Variants in ESR1 observed in about 807,000 individuals in gnomAD.
ESR1 encodes estrogen receptor 1.
Under a neutral mutation model 52.7 loss-of-function variants are expected in ESR1, and 12 were observed. The ratio of observed to expected loss-of-function variants is 0.23; its 90% confidence interval spans 0.15 to 0.37. The LOEUF is 0.37. Ranked by LOEUF, ESR1 falls within the 10% of genes least tolerant of loss-of-function variation. ESR1 has a pLI of 1.00. For missense variants in ESR1, 584 were observed against 779.7 expected (o/e 0.75, Z 2.99); for synonymous variants, 305 against 316.8 (o/e 0.96, Z 0.39).
At chr6:151,876,549 G>A (rs1791851715) in intron 2 of ESR1, among the ~76,000 whole-genome samples, 1 of 152,174 alleles carries the variant, frequency 6.6e-6, no homozygotes, top group African/African-American at 2.4e-5. Context: ...GACTTTCTGT[G>A]TAATGACAAC....
At chr6:151,679,319 G>A (rs6905582) in intron 1 of ESR1, among the ~76,000 whole-genome samples, 33,477 of 151,948 alleles carry the variant, frequency 0.22, 4,514 homozygotes, top group African/African-American at 0.39. Flanking sequence ...TCTTAACATG[G>A]CCTAAAAGGC....
rs143481676 is a variant in ESR1, at chr6:151,940,525, G to A, written c.761-3648G>A. Among the ~76,000 whole-genome samples the A allele has an allele frequency of 7.9e-5, 12 of 152,286 alleles. No homozygotes were observed. In the East Asian group the frequency reaches 2.3e-3, roughly 29 times the overall value. On this transcript the variant is annotated intron_variant, in intron 3 of 7. Coordinates refer to ENST00000206249, the MANE Select transcript of ESR1 (RefSeq NM_000125.4). ...AACCTGAATCATACAGTTGTGAGAC[G>A]TAAATGGGTGTGGTGGTTCCACTTA...
intron 4 of ESR1, among the ~76,000 whole-genome samples, chr6:152,010,345 CA>C (rs1033147982): frequency 2.0e-5 from 3 of 151,890 alleles, no homozygotes; most frequent in African/African-American, 7.3e-5. Context: ...TTCATCAACA[CA>C]AGTATAGCTG....
At chr6:151,885,574 A>C (rs1328264570) in intron 3 of ESR1, among the ~76,000 whole-genome samples, 1 of 152,232 alleles carries the variant, frequency 6.6e-6, no homozygotes, top group Non-Finnish European at 1.5e-5. Flanking sequence ...GAGATAAATA[A>C]ATTTTATTGT....
At chr6:151,845,955 T>G (rs115295448) in intron 2 of ESR1, among the ~76,000 whole-genome samples, 1,941 of 152,008 alleles carry the variant, frequency 0.013, 35 homozygotes, top group African/African-American at 0.045. Context: ...ACTTGTGAGG[T>G]AAAGGGGGAT....
intron 4 of ESR1, among the ~76,000 whole-genome samples, chr6:151,947,707 T>C (rs1360812846): frequency 6.6e-6 from 1 of 152,214 alleles, no homozygotes. Flanking sequence ...TGGGATAGAA[T>C]GCATCATACA....
intron 1 of ESR1, among the ~76,000 whole-genome samples, chr6:151,828,451 G>A (rs62442038): frequency 0.035 from 5,331 of 152,228 alleles, 128 homozygotes; most frequent in Non-Finnish European, 0.053. Flanking sequence ...AGACTTGAAA[G>A]GGCTAGAAAA....
Position 151,696,471 on chromosome 6 carries a change from C to CAAATAAAT in ESR1, c.-201-5361_-201-5354dup, listed in dbSNP as rs59140265. ...TGGGAGACATAGAGAGACTCCATCT[C>CAAATAAAT]AAATAAATAAATAAATAAATAAATA... is the stretch of plus-strand genomic sequence containing the variant. On this transcript the variant is annotated intron_variant, in intron 1 of 2. Transcript: ENST00000404742. 3.7e-3 allele frequency among the ~76,000 whole-genome samples: 510 copies of CAAATAAAT among 136,470 alleles called. 2 individuals carry two copies. The highest frequency in any genetic ancestry group is 0.01 in the African/African-American group (377 of 36,094). The allele number at this position is 136,470 out of a possible 152,430, so 89.5% of individuals were successfully genotyped here. A position where few individuals can be genotyped will look rare whatever the true frequency, so the allele number is the denominator to read the frequency against.
chr6:151,923,104 T>C (rs1325113111), intron 3 of ESR1, among the ~76,000 whole-genome samples: 1 of 152,214 alleles, frequency 6.6e-6, no homozygotes, highest in Non-Finnish European at 1.5e-5. Flanking sequence ...CTTTATCAAC[T>C]AGAGTATAGT....
chr6:151,671,226 C>T (rs977946726), intron 1 of ESR1, among the ~76,000 whole-genome samples: 2 of 152,196 alleles, frequency 1.3e-5, no homozygotes, highest in Non-Finnish European at 2.9e-5. Flanking sequence ...GGTTTCTCTG[C>T]ACCCCCATGT....
intron 2 of ESR1, among the ~76,000 whole-genome samples, chr6:151,760,456 C>T (rs1784585529): frequency 1.3e-5 from 2 of 152,200 alleles, no homozygotes; most frequent in African/African-American, 2.4e-5. Context: ...ATAATGTAAT[C>T]TTCTGTCTTC....
At chr6:151,889,290 C>T (rs778966114) in intron 3 of ESR1, among the ~76,000 whole-genome samples, 2 of 152,096 alleles carry the variant, frequency 1.3e-5, no homozygotes, top group African/African-American at 2.4e-5. Context: ...CCATTAGGTC[C>T]TGGGCTTTTC....
chr6:152,113,340 A>G (rs1444042241), intron 6 of ESR1, among the ~76,000 whole-genome samples: 1 of 152,196 alleles, frequency 6.6e-6, no homozygotes, highest in African/African-American at 2.4e-5. Flanking sequence ...TCCTGATGAA[A>G]GGAGTAAGAG....
chr6:151,939,911 A>T (rs941513573), intron 3 of ESR1, among the ~76,000 whole-genome samples: 1 of 152,200 alleles, frequency 6.6e-6, no homozygotes, highest in Non-Finnish European at 1.5e-5. Context: ...ACAAAACAAA[A>T]AACAATAATA....
intron 1 of ESR1, among the ~76,000 whole-genome samples, chr6:151,819,090 C>T (rs904438794): frequency 6.6e-6 from 1 of 152,124 alleles, no homozygotes; most frequent in Non-Finnish European, 1.5e-5. Flanking sequence ...ACCATGTACC[C>T]TTCTTTCTTC....
intron 2 of ESR1, among the ~76,000 whole-genome samples, chr6:151,717,842 G>A (rs1781167231): frequency 6.6e-6 from 1 of 152,158 alleles, no homozygotes; most frequent in Non-Finnish European, 1.5e-5. Context: ...GAATAATTGT[G>A]CTTTGAAAAG....
intron 2 of ESR1, 62 bp downstream of exon 2, chr6:151,842,849 G>A (rs899893816): frequency 2.1e-6 from 3 of 1,441,128 alleles, no homozygotes; most frequent in African/African-American, 2.8e-5. Context: ...AAGAGCCAAA[G>A]CGACTGAGGA....
intron 2 of ESR1, among the ~76,000 whole-genome samples, chr6:151,860,309 T>G (rs1788637608): frequency 6.6e-6 from 1 of 152,120 alleles, no homozygotes; most frequent in Admixed American, 6.6e-5. Context: ...AAATTTCCAG[T>G]GTATAATACA....
At chr6:151,800,097 A>G (rs914268218), upstream of ESR1, among the ~76,000 whole-genome samples, 7 of 152,328 alleles carry the variant, frequency 4.6e-5, no homozygotes, top group Admixed American at 2.0e-4. Context: ...TCTAATAGGT[A>G]CCTGGCAAAG....
Sources: allele counts gnomAD v4.1 joint callset (sites outside exome capture counted in the v4.1 genomes callset), GRCh38; gene constraint gnomAD v4.1.1; transcripts MANE v1.5; gene names NCBI Gene and HGNC (gene_info 2026-07-23, HGNC 2026-07-21).